The following NDUFA10 variants were observed in gnomAD, a reference collection of about 807,000 sequenced individuals.
NDUFA10 encodes the protein NADH dehydrogenase [ubiquinone] 1 alpha subcomplex subunit 10, mitochondrial.
Under a neutral mutation model 47.8 loss-of-function variants are expected in NDUFA10, and 40 were observed. The observed-to-expected ratio is 0.84, with a 90% CI of 0.65 to 1.09. NDUFA10 has a LOEUF of 1.09. Among genes scored for constraint, NDUFA10 ranks in the 50% least tolerant of loss-of-function variants. The pLI, the probability that NDUFA10 is intolerant of heterozygous loss-of-function variation, is 0.00. For synonymous variants in NDUFA10, 183 were observed against 172.2 expected, an observed-to-expected ratio of 1.06 and a Z score of -0.49; for missense variants, 413 against 451.1, an observed-to-expected ratio of 0.92 and a Z score of 0.76.
chr2:240,014,421 C>T (rs755553648), intron 5 of NDUFA10: 5 of 409,042 alleles, frequency 1.2e-5, no homozygotes, highest in East Asian at 5.4e-5. Flanking sequence ...CAGAAAGGTA[C>T]GTGACAGAGG....
intron 1 of NDUFA10, among the ~76,000 whole-genome samples, chr2:240,022,678 G>A (rs930538246): frequency 5.9e-5 from 9 of 152,172 alleles, no homozygotes; most frequent in African/African-American, 1.2e-4. Flanking sequence ...ACGGACAGAC[G>A]GGAGGAAGAA....
intron 8 of NDUFA10, among the ~76,000 whole-genome samples, chr2:239,993,675 A>G (rs1696346702): frequency 6.6e-6 from 1 of 152,208 alleles, no homozygotes; most frequent in African/African-American, 2.4e-5. Context: ...AGAAATAAAG[A>G]GGCAGAGGAG....
At position 239,961,058 on chromosome 2, in the gene NDUFA10, G is replaced by A. The variant is rs745939274; in HGVS notation, c.*60C>T. On this transcript the variant is annotated 3_prime_UTR_variant, in exon 10 of 10. Transcript: ENST00000252711. Reference sequence around the variant, plus strand: ...TCTTAAAGCTATATGGCGTCCAGGAGAGTGCGGCTGATGCAGCTTGGCCAT... The same window carrying A: ...TCTTAAAGCTATATGGCGTCCAGGAAAGTGCGGCTGATGCAGCTTGGCCAT... 3.1e-6 allele frequency: 5 copies of A among 1,612,368 alleles called. No individual in the cohort carries two copies. The East Asian group carries it at 1.1e-4, about 36-fold the overall frequency.
At chr2:239,942,183 A>T (rs1280693171) in intron 4 of NDUFA10, among the ~76,000 whole-genome samples, 2 of 152,208 alleles carry the variant, frequency 1.3e-5, no homozygotes, top group Non-Finnish European at 2.9e-5. Context: ...TCATCCCTCT[A>T]CCACGTTTAC....
At chr2:239,930,568 C>T (rs948331173) in intron 4 of NDUFA10, among the ~76,000 whole-genome samples, 2 of 152,050 alleles carry the variant, frequency 1.3e-5, no homozygotes, top group African/African-American at 4.8e-5. Flanking sequence ...ACCCTGCCTG[C>T]CGCCCCCAAA....
chr2:239,975,783 G>A (rs1416343407), intron 9 of NDUFA10, among the ~76,000 whole-genome samples: 1 of 151,950 alleles, frequency 6.6e-6, no homozygotes, highest in African/African-American at 2.4e-5. Context: ...CACCTCGCAG[G>A]CCATGGCTGC....
intron 9 of NDUFA10, chr2:239,983,609 G>A (rs768474759): frequency 6.3e-7 from 1 of 1,591,736 alleles, no homozygotes; most frequent in Non-Finnish European, 8.6e-7. Flanking sequence ...CACGACCTCA[G>A]CCAGGAGCCC....
Position 240,005,202 on chromosome 2 carries a change from G to A in NDUFA10, c.890+8C>T. The A allele has an allele frequency of 1.2e-6, 2 of 1,611,376 alleles. No individual in the cohort carries two copies. The highest frequency in any genetic ancestry group is 2.2e-5 in the South Asian group (2 of 91,020). On this transcript the variant is annotated splice_region_variant and intron_variant, in intron 8 of 9. Transcript: ENST00000252711. ...GACATGCAGCAGCCCCCACACAGAT[G>A]CACTTACAGTAATCGCAGGTGGTAT...
rs1476992967 is a variant in NDUFA10 at position 239,906,432 on chromosome 2, T to G, written c.295-11118A>C. The stretch of plus-strand genomic sequence containing the variant: ...TTGAAATCAGAGCAACAAGGGCTCC[T>G]GAAGCACCCCAGGCCTTGAGAACAC... On this transcript the variant is annotated intron_variant, in intron 4 of 5. Transcript: ENST00000419408. The surrounding 1 kb of genome is among the most constrained non-coding windows in gnomAD (Gnocchi z 4.3). Among the ~76,000 whole-genome samples the G allele has an allele frequency of 6.6e-6, 1 of 152,118 alleles. No individual in the cohort carries two copies. The highest frequency in any genetic ancestry group is 2.4e-5 in the African/African-American group (1 of 41,420).
chr2:239,950,283 TCCTCAGGGATC>T (rs1694529446), intron 4 of NDUFA10, among the ~76,000 whole-genome samples: 1 of 152,170 alleles, frequency 6.6e-6, no homozygotes, highest in Admixed American at 6.5e-5. Flanking sequence ...ACTCACAGCT[TCCTCAGGGATC>T]CCTCAGGCCC....
intron 4 of NDUFA10, among the ~76,000 whole-genome samples, chr2:239,901,271 G>A (rs374153268): frequency 6.6e-6 from 1 of 152,154 alleles, no homozygotes; most frequent in Non-Finnish European, 1.5e-5. Flanking sequence ...ACTTTGGGAG[G>A]CAGAAGGATC....
intron 9 of NDUFA10, among the ~76,000 whole-genome samples, chr2:239,984,777 C>T (rs1695928990): frequency 6.6e-6 from 1 of 152,266 alleles, no homozygotes; most frequent in African/African-American, 2.4e-5. Context: ...CACAGCTGGG[C>T]TGCACGTTCC....
intron 4 of NDUFA10, among the ~76,000 whole-genome samples, chr2:239,934,446 G>A (rs776835291): frequency 8.1e-5 from 12 of 148,872 alleles, no homozygotes; most frequent in Non-Finnish European, 5.9e-5. Flanking sequence ...TAACAATACG[G>A]GGTCCTTGAC....
At chr2:239,967,774 T>C (rs1255042354) in intron 9 of NDUFA10, among the ~76,000 whole-genome samples, 2 of 152,190 alleles carry the variant, frequency 1.3e-5, no homozygotes, top group Non-Finnish European at 2.9e-5. Flanking sequence ...TTTGTGTGAT[T>C]CAACGTAAGG....
At chr2:240,021,144 T>C in intron 3 of NDUFA10, 53 bp downstream of exon 3, 1 of 1,503,048 alleles carries the variant, frequency 6.7e-7, no homozygotes. Flanking sequence ...GTGGTTGAAT[T>C]CTAGAATAGT....
chr2:239,959,662 A>AGACG lies in NDUFA10; in HGVS notation c.*1452_*1455dup, dbSNP rs1413909192. 1 of 957,672 alleles carries AGACG rather than the reference A, an allele frequency of 1.0e-6. No homozygotes were observed. The highest frequency in any genetic ancestry group is 6.2e-5 in the Admixed American group (1 of 16,140). 59.3% of individuals were successfully genotyped at this position (957,672 alleles called of 1,614,324 possible). A position where few individuals can be genotyped will look rare whatever the true frequency, so the allele number is the denominator to read the frequency against. On this transcript the variant is annotated 3_prime_UTR_variant, in exon 10 of 10. Transcript: ENST00000252711. ...GAAGGGAAGGGAGGAAAACAAGGAC[A>AGACG]GACGGAAGGAAGGAAGGAAGAGAAG...
intron 4 of NDUFA10, among the ~76,000 whole-genome samples, chr2:239,904,408 C>A (rs754491217): frequency 7.2e-5 from 11 of 152,172 alleles, no homozygotes; most frequent in Admixed American, 2.0e-4. Context: ...AGCGATTATC[C>A]TGCCTCAGCC....
intron 9 of NDUFA10, among the ~76,000 whole-genome samples, chr2:239,985,640 T>C (rs1326623550): frequency 6.6e-6 from 1 of 151,288 alleles, no homozygotes; most frequent in Non-Finnish European, 1.5e-5. Context: ...AGACAGAAAA[T>C]GTGGCAAGAG....
chr2:239,981,275 G>A (rs1252009035), intron 9 of NDUFA10, among the ~76,000 whole-genome samples: 3 of 152,192 alleles, frequency 2.0e-5, no homozygotes, highest in African/African-American at 7.2e-5. Flanking sequence ...GAGCCCCACA[G>A]GGCAGAAGCT....
Sources: gnomAD v4.1 joint callset for allele counts (sites outside exome capture counted in the v4.1 genomes callset) on GRCh38, gnomAD v4.1.1 for gene constraint, Gnocchi (gnomAD v3.1) non-coding constraint, MANE v1.5 for transcripts, NCBI Gene and HGNC (gene_info 2026-07-23, HGNC 2026-07-21) for gene names.